OS9: variants seen among roughly 807,000 people sequenced by gnomAD.
OS9 encodes the protein OS9 endoplasmic reticulum lectin, also known as protein OS-9.
A neutral mutation model predicts 84.7 loss-of-function variants in OS9; 58 were observed. The observed-to-expected ratio is 0.68, with a 90% CI of 0.55 to 0.85. OS9 has a LOEUF of 0.85. Among genes scored for constraint, OS9 ranks in the 40% least tolerant of loss-of-function variants. OS9 has a pLI of 0.00. For synonymous variants in OS9, 278 were observed against 320.8 expected (o/e 0.87, Z 1.43); for missense variants, 760 against 850.9 (o/e 0.89, Z 1.33).
At position 57,718,633 on chromosome 12, in the gene OS9, G is replaced by A. The variant is rs754772964; in HGVS notation, c.1410+212G>A. 2.1e-4 allele frequency among the ~76,000 whole-genome samples: 32 copies of A among 152,142 alleles called. 1 individual carries two copies. The highest frequency in any genetic ancestry group is 1.3e-4 in the Admixed American group (2 of 15,274). On this transcript the variant is annotated intron_variant, in intron 11 of 14. Transcript: ENST00000315970. The stretch of plus-strand genomic sequence containing the variant: ...AATATCAGACTCTCTGGCCAGGCGC[G>A]GTGGCTCACGCCTGTAATCCCAGCA...
chr12:57,708,101 A>C (rs1182140135), intron 5 of OS9, among the ~76,000 whole-genome samples: 1 of 152,118 alleles, frequency 6.6e-6, no homozygotes, highest in African/African-American at 2.4e-5. Flanking sequence ...CAAATTTTTT[A>C]AATAAAAAAT....
At chr12:57,698,185 G>T (rs952457648) in intron 5 of OS9, among the ~76,000 whole-genome samples, 2 of 152,200 alleles carry the variant, frequency 1.3e-5, no homozygotes, top group African/African-American at 4.8e-5. Context: ...TTGAATGAAT[G>T]AAATGACTGA....
intron 5 of OS9, among the ~76,000 whole-genome samples, chr12:57,697,910 C>CAA (rs373063265): frequency 1.0e-4 from 3 of 28,910 alleles, no homozygotes; most frequent in African/African-American, 2.7e-4. Flanking sequence ...CATAAGCAAA[C>CAA]ACACACACAC....
chr12:57,705,012 A>T (rs564097197), intron 5 of OS9, among the ~76,000 whole-genome samples: 14 of 152,324 alleles, frequency 9.2e-5, no homozygotes, highest in African/African-American at 3.4e-4. Flanking sequence ...TAGTCCATAC[A>T]TTCCTCTCTG....
intron 5 of OS9, among the ~76,000 whole-genome samples, chr12:57,701,755 A>T (rs1189827627): frequency 6.6e-6 from 1 of 151,912 alleles, no homozygotes; most frequent in Non-Finnish European, 1.5e-5. Context: ...ACTGGGTTAC[A>T]GGAGTGTATG....
chr12:57,699,115 G>A (rs778049059), intron 5 of OS9, among the ~76,000 whole-genome samples: 3 of 152,196 alleles, frequency 2.0e-5, no homozygotes, highest in Non-Finnish European at 4.4e-5. Context: ...TTTGGCTTGT[G>A]CAGTTAGATA....
chr12:57,701,725 A>G (rs1287706847), intron 5 of OS9, among the ~76,000 whole-genome samples: 1 of 152,210 alleles, frequency 6.6e-6, no homozygotes, highest in Non-Finnish European at 1.5e-5. Flanking sequence ...TCTCCAGGGA[A>G]ATACCTAGAA....
At chr12:57,703,303 G>A (rs1339822681) in intron 5 of OS9, among the ~76,000 whole-genome samples, 1 of 152,062 alleles carries the variant, frequency 6.6e-6, no homozygotes, top group African/African-American at 2.4e-5. Context: ...GTCTCGTTAT[G>A]TTGCCCAGGC....
chr12:57,717,910 T>G lies in OS9; in HGVS notation c.1086T>G (p.Pro362=). 6.2e-7 allele frequency: 1 copy of G among 1,612,342 alleles called. No individual in the cohort carries two copies. The highest frequency in any genetic ancestry group is 1.7e-4 in the Middle Eastern group (1 of 6,050). The change falls in exon 10 of 15, where the codon CCT becomes CCG. Residue 362 remains proline (P), a synonymous_variant. Coordinates refer to ENST00000315970, the MANE Select transcript of OS9 (RefSeq NM_006812.4). ...NNVQVKVIRS[P]ADLIRFIEEL... ...TGCAGGTCAAAGTCATTCGAAGCCC[T>G]GCGGATTTGATTCGATTCATAGAGG...
chr12:57,701,866 G>C (rs1954036436), intron 5 of OS9, among the ~76,000 whole-genome samples: 1 of 152,000 alleles, frequency 6.6e-6, no homozygotes, highest in Non-Finnish European at 1.5e-5. Context: ...GCGTGATCTT[G>C]GCTCACTGCA....
intron 5 of OS9, among the ~76,000 whole-genome samples, chr12:57,710,553 A>G (rs1477806748): frequency 1.3e-5 from 2 of 151,890 alleles, no homozygotes; most frequent in African/African-American, 4.8e-5. Flanking sequence ...TGTTTGTTCA[A>G]CTTCTTGAAA....
At chr12:57,695,864 C>T (rs1953812329) in intron 3 of OS9, 21 bp downstream of exon 3, 1 of 1,597,140 alleles carries the variant, frequency 6.3e-7, no homozygotes, top group South Asian at 1.1e-5. Context: ...CCTATATTTT[C>T]CTTAAGCCCT....
chr12:57,717,865 C>A lies in OS9; in HGVS notation c.1046-5C>A. ...AGGTTCATGATTATTATTCTTTCATCTCAGATTTTCAGAACAACGTGCAGG... is the reference window on the plus strand; with the variant it reads ...AGGTTCATGATTATTATTCTTTCATATCAGATTTTCAGAACAACGTGCAGG... On this transcript the variant is annotated splice_polypyrimidine_tract_variant and splice_region_variant and intron_variant, in intron 9 of 14. Coordinates refer to ENST00000315970, the MANE Select transcript of OS9 (RefSeq NM_006812.4). 2.1e-6 allele frequency: 3 copies of A among 1,428,436 alleles called. No individual in the cohort carries two copies. The highest frequency in any genetic ancestry group is 2.4e-5 in the South Asian group (2 of 84,354). 88.5% of individuals were successfully genotyped at this position (1,428,436 alleles called of 1,614,324 possible).
Position 57,720,967 on chromosome 12 carries a change from T to TCCTCCCCA in OS9, c.*69_*76dup, listed in dbSNP as rs1418499733. 1.9e-6 allele frequency: 3 copies of TCCTCCCCA among 1,601,018 alleles called. No individual in the cohort carries two copies. Among genetic ancestry groups the TCCTCCCCA allele is most frequent in the East Asian group, 2.2e-5 (1 of 44,730 alleles). On this transcript the variant is annotated 3_prime_UTR_variant, in exon 15 of 15. Coordinates refer to ENST00000315970, the MANE Select transcript of OS9 (RefSeq NM_006812.4). ...CAGACTCTTCCTGGACTGGCTTGCC[T>TCCTCCCCA]CCTCCCCACCTCCCCACCCTGGAAC...
rs1231537293 is a variant in OS9 at position 57,718,304 on chromosome 12, G to A, written c.1293G>A (p.Gln431=). Residue 431 remains glutamine, a synonymous_variant, in exon 11 of 15, where the codon CAG becomes CAA. Coordinates refer to ENST00000315970, the MANE Select transcript of OS9 (RefSeq NM_006812.4). ...AGGATGAAGATGAGGATGAACGGCA[G>A]TTACTGGGAGAATTTGAGAAGGAAC... ...EDEDEDEDER[Q]LLGEFEKELE... is the part of the protein sequence containing the mutation. 2.5e-6 allele frequency: 4 copies of A among 1,614,196 alleles called. 1 individual carries two copies. The South Asian group carries it at 4.4e-5, about 18-fold the overall frequency.
chr12:57,711,114 C>T (rs372759123), intron 5 of OS9, among the ~76,000 whole-genome samples: 2 of 150,826 alleles, frequency 1.3e-5, no homozygotes, highest in East Asian at 3.9e-4. Context: ...TTCCCATTCT[C>T]TCCCCGCCAT....
chr12:57,712,093 G>A (rs1357878480), intron 5 of OS9, among the ~76,000 whole-genome samples: 1 of 152,152 alleles, frequency 6.6e-6, no homozygotes. Flanking sequence ...CACATAGGAT[G>A]GTATTCCTGT....
intron 5 of OS9, among the ~76,000 whole-genome samples, chr12:57,712,566 C>T (rs1428893024): frequency 6.6e-6 from 1 of 151,902 alleles, no homozygotes; most frequent in Non-Finnish European, 1.5e-5. Flanking sequence ...ACATCTGGGC[C>T]CTCTCACAGG....
At chr12:57,696,440 G>T (rs796725852) in intron 5 of OS9, 67 bp downstream of exon 5, 3 of 386,748 alleles carry the variant, frequency 7.8e-6, no homozygotes, top group African/African-American at 2.8e-5. Flanking sequence ...GAAGAGGGTT[G>T]CATCTTATAG....
Sources: gnomAD v4.1 joint callset for allele counts (sites outside exome capture counted in the v4.1 genomes callset) on GRCh38, gnomAD v4.1.1 for gene constraint, MANE v1.5 for transcripts, NCBI Gene and HGNC (gene_info 2026-07-23, HGNC 2026-07-21) for gene names.